PPP2R3B: variants seen among roughly 807,000 people sequenced by gnomAD.
PPP2R3B encodes the protein serine/threonine-protein phosphatase 2A regulatory subunit B'' subunit beta.
Under a neutral mutation model 72.9 loss-of-function variants are expected in PPP2R3B, and 68 were observed. The ratio of observed to expected loss-of-function variants is 0.93; its 90% confidence interval spans 0.77 to 1.14. The LOEUF is 1.14. Ranked by LOEUF, PPP2R3B falls within the 50% of genes most tolerant of loss-of-function variation. The pLI, the probability that PPP2R3B is intolerant of heterozygous loss-of-function variation, is 0.00. For synonymous variants in PPP2R3B, 466 were observed against 375.8 expected (o/e 1.24, Z -2.78); for missense variants, 1,018 against 842.0 (o/e 1.21, Z -2.59).
chrX:352,474 C>T (rs1218489400), intron 2 of PPP2R3B, among the ~76,000 whole-genome samples: 1 of 117,210 alleles, frequency 8.5e-6, no homozygotes, highest in Admixed American at 9.3e-5. Flanking sequence ...ACTTTTAGAC[C>T]TGGCTTCCCT....
intron 2 of PPP2R3B, among the ~76,000 whole-genome samples, chrX:352,349 C>T (rs1274676833): frequency 6.6e-6 from 1 of 152,280 alleles, no homozygotes; most frequent in Non-Finnish European, 1.5e-5. Flanking sequence ...GCCGCCAGCC[C>T]TGACAGTCCC....
chrX:375,776 G>GATC (rs1354509866), intron 1 of PPP2R3B, among the ~76,000 whole-genome samples: 1 of 97,496 alleles, frequency 1.0e-5, no homozygotes, highest in Non-Finnish European at 2.3e-5. Flanking sequence ...CAACGGGCGC[G>GATC]ATCCTCACAC....
intron 1 of PPP2R3B, among the ~76,000 whole-genome samples, chrX:368,598 G>C (rs2071782400): frequency 9.9e-6 from 1 of 100,542 alleles, no homozygotes. Flanking sequence ...GGCACCGACC[G>C]GGGGAAGGCC....
At position 346,074 on chromosome X, in the gene PPP2R3B, T is replaced by TGGGAGGGGAGGA; in HGVS notation, c.879+88_879+99dup. Reference sequence around the variant, plus strand: ...GTGGGGGTGGGGGTGGGAGAGGGGGTGGGAGGGGAGGAGGGAGGGGGGAGG... The same window carrying TGGGAGGGGAGGA: ...GTGGGGGTGGGGGTGGGAGAGGGGGTGGGAGGGGAGGAGGGAGGGGAGGAGGGAGGGGGGAGG... On this transcript the variant is annotated intron_variant, in intron 6 of 12. Transcript: ENST00000390665. The TGGGAGGGGAGGA allele has an allele frequency of 1.7e-5, 6 of 362,026 alleles. No homozygotes were observed. The African/African-American group carries it at 3.2e-4, about 19-fold the overall frequency. The allele number at this position is 362,026 out of a possible 1,614,324, so 22.4% of individuals were successfully genotyped here. A position where few individuals can be genotyped will look rare whatever the true frequency, so the allele number is the denominator to read the frequency against.
In PPP2R3B at chrX:341,911, C is replaced by G. The variant is rs748355643; in HGVS notation, c.1057G>C (p.Asp353His). The G allele has an allele frequency of 1.9e-6, 3 of 1,612,664 alleles. No individual in the cohort carries two copies. The highest frequency in any genetic ancestry group is 1.7e-4 in the Middle Eastern group (1 of 6,054). The change falls in exon 8 of 13, where the codon GAC (aspartate) becomes CAC (histidine). Residue 353 changes from aspartate (D) to histidine (H), a missense_variant. By Grantham distance (81) the Asp-to-His change is moderately conservative (BLOSUM62 -1). Transcript: ENST00000390665. Reference protein sequence around the residue: ...NDHALSTKMIDRIFSGAVTRG... With the variant: ...NDHALSTKMIHRIFSGAVTRG... ...GTGACTGCTCCTGAGAAGATCCTGTCTATCATCTTGGTAGAAAGGGCTGGA... is the reference window on the plus strand; with the variant it reads ...GTGACTGCTCCTGAGAAGATCCTGTGTATCATCTTGGTAGAAAGGGCTGGA...
At position 386,623 on chromosome X, in the gene PPP2R3B, G is replaced by T; in HGVS notation, c.69C>A (p.Leu23=). ...GCATCCGCTGCGTGCTGGCCTCGCTGAGCCAGTACAGGAACAGCTCGTCCA... is the reference window on the plus strand; with the variant it reads ...GCATCCGCTGCGTGCTGGCCTCGCTTAGCCAGTACAGGAACAGCTCGTCCA... ...MKVDELFLYW[L]SEASTQRMLQ... The change falls in exon 1 of 13, where the codon CTC becomes CTA. Residue 23 remains leucine, a synonymous_variant. Transcript: ENST00000390665. 1 of 1,450,046 alleles carries T rather than the reference G, an allele frequency of 6.9e-7. No individual in the cohort carries two copies. 89.8% of individuals were successfully genotyped at this position (1,450,046 alleles called of 1,614,324 possible).
At chrX:344,105 G>C (rs1445156174) in intron 7 of PPP2R3B, among the ~76,000 whole-genome samples, 3 of 124,492 alleles carry the variant, frequency 2.4e-5, no homozygotes, top group Admixed American at 7.8e-5. Context: ...AACGGGAGGC[G>C]GGAGTGAGAC....
chrX:342,840 G>A (rs1156341534), intron 7 of PPP2R3B, among the ~76,000 whole-genome samples: 211 of 34,844 alleles, frequency 6.1e-3, no homozygotes, highest in Middle Eastern at 0.05. Flanking sequence ...GAGGCGGGAG[G>A]GAGACCTCAG....
rs147548647 is a variant in PPP2R3B at position 334,554 on chromosome X, G to A, written c.1578-37C>T. The stretch of plus-strand genomic sequence containing the variant: ...GGATGGCGAAGACGTGGCCAGCAGC[G>A]CGGAGCAGGCCCTGGGCCGTTTTCC... On this transcript the variant is annotated intron_variant, in intron 12 of 12. Coordinates refer to ENST00000390665, the MANE Select transcript of PPP2R3B (RefSeq NM_013239.5). 2.2e-3 allele frequency: 3,245 copies of A among 1,469,500 alleles called. 58 individuals carry two copies. The African/African-American group carries it at 0.04, about 18-fold the overall frequency. The allele number at this position is 1,469,500 out of a possible 1,614,324, so 91.0% of individuals were successfully genotyped here.
At chrX:375,535 C>A (rs1253726973) in intron 1 of PPP2R3B, among the ~76,000 whole-genome samples, 3 of 148,460 alleles carry the variant, frequency 2.0e-5, no homozygotes, top group African/African-American at 7.7e-5. Flanking sequence ...GCAGAGGTGC[C>A]GTCCCGTCAC....
chrX:380,761 G>A (rs1325587309), intron 1 of PPP2R3B, among the ~76,000 whole-genome samples: 3 of 138,624 alleles, frequency 2.2e-5, no homozygotes, highest in Non-Finnish European at 3.0e-5. Context: ...ACTGCAGCCT[G>A]GGCAACAAGA....
intron 2 of PPP2R3B, among the ~76,000 whole-genome samples, chrX:355,670 A>G (rs1271802473): frequency 2.6e-5 from 4 of 152,048 alleles, no homozygotes; most frequent in African/African-American, 9.7e-5. Flanking sequence ...CTGTGCTCCA[A>G]ATGGTTACGG....
At chrX:338,977 C>A (rs2070975924) in intron 10 of PPP2R3B, 81 bp from the exon 11 acceptor site, 4 of 1,162,946 alleles carry the variant, frequency 3.4e-6, no homozygotes, top group Non-Finnish European at 5.2e-6. Context: ...CGCGTCCTGT[C>A]ACACGTGCTT....
chrX:346,321 G>GGAGACC, intron 5 of PPP2R3B, 61 bp from the exon 6 acceptor site: 6 of 1,483,020 alleles, frequency 4.0e-6, no homozygotes, highest in Non-Finnish European at 5.5e-6. Context: ...CGCCCCGCAC[G>GGAGACC]GAGACCGGGA....
intron 7 of PPP2R3B, 173 bp from the exon 8 acceptor site, chrX:342,104 C>T (rs1312764376): frequency 4.2e-6 from 3 of 720,426 alleles, no homozygotes; most frequent in Admixed American, 2.3e-5. Context: ...GGGCCCACCA[C>T]GCTTTCCCGT....
At chrX:341,601 A>T in intron 8 of PPP2R3B, 1 of 660,186 alleles carries the variant, frequency 1.5e-6, no homozygotes, top group East Asian at 2.7e-5. Context: ...AGGCAGGGTC[A>T]GGAGTGCACC....
chrX:351,018 G>A (rs1302673071), intron 2 of PPP2R3B, among the ~76,000 whole-genome samples: 2 of 152,166 alleles, frequency 1.3e-5, no homozygotes, highest in Admixed American at 6.5e-5. Context: ...CCACGGGGGG[G>A]CGTGGGGGAC....
intron 12 of PPP2R3B, chrX:338,209 C>T (rs1203682228): frequency 1.6e-5 from 6 of 372,200 alleles, no homozygotes; most frequent in African/African-American, 1.0e-4. Context: ...TCAGGGCCTC[C>T]AAGGCTGGAA....
At chrX:364,196 G>A (rs765881131) in intron 1 of PPP2R3B, among the ~76,000 whole-genome samples, 3 of 152,342 alleles carry the variant, frequency 2.0e-5, no homozygotes, top group African/African-American at 7.2e-5. Flanking sequence ...CACCTTCAGT[G>A]GGAAGAATGA....
Sources: allele counts gnomAD v4.1 joint callset (sites outside exome capture counted in the v4.1 genomes callset), GRCh38; gene constraint gnomAD v4.1.1; transcripts MANE v1.5; gene names NCBI Gene and HGNC (gene_info 2026-07-23, HGNC 2026-07-21).